The following MYO3B variants were observed in gnomAD, a reference collection of about 807,000 sequenced individuals.
MYO3B encodes myosin IIIB.
Under a neutral mutation model 174.6 loss-of-function variants are expected in MYO3B, and 156 were observed. The ratio of observed to expected loss-of-function variants is 0.89; its 90% CI spans 0.78 to 1.02. MYO3B has a LOEUF of 1.02. MYO3B is among the 50% of genes least tolerant of loss of function. The pLI is 0.00. For synonymous variants in MYO3B, 563 were observed against 569.1 expected (o/e 0.99, Z 0.15); for missense variants, 1,632 against 1,639.4 (o/e 1.00, Z 0.08).
chr2:170,274,699 A>C (rs1014132713), intron 7 of MYO3B, among the ~76,000 whole-genome samples: 2 of 152,210 alleles, frequency 1.3e-5, no homozygotes, highest in African/African-American at 4.8e-5. Flanking sequence ...CCATGACTCT[A>C]TGTGCTTATC....
chr2:170,391,654 G>C, intron 15 of MYO3B, 36 bp downstream of exon 15: 1 of 1,198,910 alleles, frequency 8.3e-7, no homozygotes, highest in Non-Finnish European at 1.2e-6. Flanking sequence ...AATTTTTGAT[G>C]AATGTACGAT....
intron 25 of MYO3B, among the ~76,000 whole-genome samples, chr2:170,490,978 G>A (rs1324339749): frequency 6.6e-6 from 1 of 151,874 alleles, no homozygotes; most frequent in Non-Finnish European, 1.5e-5. Context: ...TATGGATAGA[G>A]GCTTACCAAT....
chr2:170,513,993 G>A (rs1276969641), intron 28 of MYO3B, among the ~76,000 whole-genome samples: 1 of 152,232 alleles, frequency 6.6e-6, no homozygotes, highest in Non-Finnish European at 1.5e-5. Context: ...AATTGCCAAA[G>A]CCAGAAGGAA....
intron 22 of MYO3B, among the ~76,000 whole-genome samples, chr2:170,431,785 T>G (rs2094711100): frequency 1.3e-5 from 2 of 152,224 alleles, no homozygotes; most frequent in Admixed American, 1.3e-4. Context: ...GATAGTCTGG[T>G]CTCTTACTTA....
chr2:170,611,981 T>A (rs1307307884), intron 32 of MYO3B, among the ~76,000 whole-genome samples: 1 of 152,152 alleles, frequency 6.6e-6, no homozygotes, highest in Non-Finnish European at 1.5e-5. Flanking sequence ...GTCTGTAGTA[T>A]CCTAATGGAT....
intron 7 of MYO3B, among the ~76,000 whole-genome samples, chr2:170,257,815 A>G (rs572632931): frequency 1.3e-5 from 2 of 152,226 alleles, no homozygotes; most frequent in African/African-American, 2.4e-5. Context: ...AACAAGATCA[A>G]TAGACCACTG....
At chr2:170,492,348 G>T (rs1686548209) in intron 25 of MYO3B, among the ~76,000 whole-genome samples, 1 of 152,062 alleles carries the variant, frequency 6.6e-6, no homozygotes, top group Admixed American at 6.5e-5. Context: ...AGATCTCCAG[G>T]GTTCTCTTTA....
At chr2:170,248,629 C>T (rs2105325342) in intron 7 of MYO3B, among the ~76,000 whole-genome samples, 1 of 152,198 alleles carries the variant, frequency 6.6e-6, no homozygotes, top group Admixed American at 6.5e-5. Context: ...ACTTGTGGCT[C>T]CCTTCTATCT....
intron 31 of MYO3B, among the ~76,000 whole-genome samples, chr2:170,543,279 A>G (rs1354057404): frequency 6.6e-6 from 1 of 152,174 alleles, no homozygotes; most frequent in African/African-American, 2.4e-5. Context: ...CTTTTTGAGT[A>G]AGGACCCGAG....
chr2:170,223,324 T>A (rs1329964900), intron 6 of MYO3B, among the ~76,000 whole-genome samples: 1 of 152,142 alleles, frequency 6.6e-6, no homozygotes, highest in Non-Finnish European at 1.5e-5. Context: ...TCCTCCACTA[T>A]CTCCTGACAG....
intron 16 of MYO3B, among the ~76,000 whole-genome samples, chr2:170,396,704 A>C (rs2094443880): frequency 6.6e-6 from 1 of 152,138 alleles, no homozygotes; most frequent in Non-Finnish European, 1.5e-5. Flanking sequence ...GCAACGGGGC[A>C]AGATGCTGGT....
rs773740388 is a variant in MYO3B, at chr2:170,386,170, G to A, written c.1291-19G>A. The A allele has an allele frequency of 1.2e-5, 20 of 1,610,256 alleles. No homozygotes were observed. The highest frequency in any genetic ancestry group is 3.3e-4 in the Middle Eastern group (2 of 6,066). ...CTGTGCTATAAATTCTTCACTTGAC[G>A]CTCCATTTTCTGTGCCAGTGCATTG... On this transcript the variant is annotated intron_variant, in intron 12 of 34. Coordinates refer to ENST00000408978, the MANE Select transcript of MYO3B (RefSeq NM_138995.5).
At chr2:170,192,266 A>G (rs1039726896) in intron 1 of MYO3B, among the ~76,000 whole-genome samples, 6 of 150,448 alleles carry the variant, frequency 4.0e-5, no homozygotes, top group Non-Finnish European at 7.4e-5. Flanking sequence ...CTTCCATTAT[A>G]TGTCTACTTA....
chr2:170,270,913 T>C (rs2093421059), intron 7 of MYO3B, among the ~76,000 whole-genome samples: 1 of 152,228 alleles, frequency 6.6e-6, no homozygotes. Context: ...GGAAGAAAAG[T>C]ATTTTATTCC....
intron 16 of MYO3B, among the ~76,000 whole-genome samples, chr2:170,397,759 C>T (rs952847558): frequency 6.6e-6 from 1 of 152,106 alleles, no homozygotes; most frequent in Non-Finnish European, 1.5e-5. Context: ...GGGCTCAGTC[C>T]CACAAGACTA....
chr2:170,328,555 T>C (rs1430822038), intron 7 of MYO3B, among the ~76,000 whole-genome samples: 1 of 152,188 alleles, frequency 6.6e-6, no homozygotes, highest in African/African-American at 2.4e-5. Context: ...GGATACTAAG[T>C]GTTCATTTGT....
chr2:170,259,617 A>G (rs1475589604), intron 7 of MYO3B, among the ~76,000 whole-genome samples: 2 of 152,230 alleles, frequency 1.3e-5, no homozygotes, highest in African/African-American at 4.8e-5. Context: ...AGCCTAGGAA[A>G]TGCTATTATG....
intron 3 of MYO3B, 104 bp downstream of exon 3, chr2:170,200,388 G>A: frequency 7.7e-7 from 1 of 1,305,020 alleles, no homozygotes; most frequent in Non-Finnish European, 1.0e-6. Flanking sequence ...TTGAGGAGTA[G>A]GTCCCTCCTG....
intron 17 of MYO3B, among the ~76,000 whole-genome samples, chr2:170,400,646 ACCC>A (rs10590784): frequency 0.2 from 27,342 of 133,918 alleles, 2,715 homozygotes; most frequent in South Asian, 0.28. Flanking sequence ...CTCATGATCC[ACCC>A]CCCCCCCCTC....
Sources: allele counts gnomAD v4.1 joint callset (sites outside exome capture counted in the v4.1 genomes callset), GRCh38; gene constraint gnomAD v4.1.1; transcripts MANE v1.5; gene names NCBI Gene and HGNC (gene_info 2026-07-23, HGNC 2026-07-21).